OSBP2: variants seen among roughly 807,000 people sequenced by gnomAD.
OSBP2 encodes the protein oxysterol-binding protein 2.
In OSBP2, 66 loss-of-function variants were observed where a neutral mutation model predicts 96.0. The observed-to-expected ratio is 0.69, with a 90% CI of 0.56 to 0.84. OSBP2 has a LOEUF of 0.84. Ranked by LOEUF, OSBP2 falls within the 40% of genes least tolerant of loss-of-function variation. The probability of loss-of-function intolerance (pLI) is 0.00; values close to 1 mark genes in which losing one functional copy is unlikely to be tolerated. For missense variants in OSBP2, 1,038 were observed against 1,222.7 expected (o/e 0.85, Z 2.25); for synonymous variants, 525 against 520.9 (o/e 1.01, Z -0.11).
At chr22:30,735,449 T>A (rs2089837196) in intron 1 of OSBP2, among the ~76,000 whole-genome samples, 1 of 133,826 alleles carries the variant, frequency 7.5e-6, no homozygotes, top group South Asian at 2.6e-4. Flanking sequence ...GGGTCTTAAC[T>A]CTGTCACCCA....
chr22:30,731,662 A>G (rs1006925491), intron 1 of OSBP2: 3 of 154,602 alleles, frequency 1.9e-5, no homozygotes, highest in Non-Finnish European at 4.4e-5. Context: ...CAGCTCTCCT[A>G]CTTCAATGTG....
At chr22:30,719,878 GAAC>G (rs930638622) in intron 1 of OSBP2, among the ~76,000 whole-genome samples, 5 of 151,946 alleles carry the variant, frequency 3.3e-5, no homozygotes, top group East Asian at 3.9e-4. Flanking sequence ...AACAACAAGG[GAAC>G]AACAACAACA....
At chr22:30,780,590 C>A (rs954247898) in intron 2 of OSBP2, among the ~76,000 whole-genome samples, 1 of 152,192 alleles carries the variant, frequency 6.6e-6, no homozygotes, top group Non-Finnish European at 1.5e-5. Flanking sequence ...CTCCACCTCC[C>A]GGGTTCAAGC....
At chr22:30,842,844 A>G (rs1328594093) in intron 2 of OSBP2, 2 of 152,504 alleles carry the variant, frequency 1.3e-5, no homozygotes, top group Admixed American at 6.6e-5. Flanking sequence ...CAGTGACGCA[A>G]TCTCGGCTCA....
chr22:30,713,341 G>T (rs966096198), intron 1 of OSBP2, among the ~76,000 whole-genome samples: 88 of 152,186 alleles, frequency 5.8e-4, no homozygotes, highest in African/African-American at 2.0e-3. Flanking sequence ...CTCCCAAAGT[G>T]CTGGGATTAC....
At chr22:30,776,187 G>T (rs141162533) in intron 2 of OSBP2, among the ~76,000 whole-genome samples, 3 of 150,802 alleles carry the variant, frequency 2.0e-5, no homozygotes, top group African/African-American at 7.3e-5. Flanking sequence ...GTGCAGTGAT[G>T]TGTTCTCAGC....
At chr22:30,822,421 G>A in intron 2 of OSBP2, 4 of 975,542 alleles carry the variant, frequency 4.1e-6, no homozygotes, top group Non-Finnish European at 5.4e-6. Flanking sequence ...GCTCAGGCTG[G>A]GCTCGGCTCC....
chr22:30,826,032 A>G (rs2038397361), intron 2 of OSBP2, among the ~76,000 whole-genome samples: 1 of 152,118 alleles, frequency 6.6e-6, no homozygotes, highest in Non-Finnish European at 1.5e-5. Flanking sequence ...GCAACGGTGC[A>G]TCGGCCTCTG....
intron 1 of OSBP2, among the ~76,000 whole-genome samples, chr22:30,698,209 A>G (rs1044989290): frequency 6.6e-6 from 1 of 152,086 alleles, no homozygotes; most frequent in African/African-American, 2.4e-5. Flanking sequence ...CCAGACACCC[A>G]GCTCTCAGCA....
chr22:30,727,578 C>T (rs1248286243), intron 1 of OSBP2, among the ~76,000 whole-genome samples: 1 of 152,100 alleles, frequency 6.6e-6, no homozygotes, highest in African/African-American at 2.4e-5. Flanking sequence ...GACACTGATA[C>T]CTGGACACTG....
intron 1 of OSBP2, among the ~76,000 whole-genome samples, chr22:30,701,111 A>G (rs1210413760): frequency 2.6e-5 from 4 of 151,218 alleles, no homozygotes; most frequent in Non-Finnish European, 5.9e-5. Context: ...AAAAAAAAAA[A>G]GTCCTTTGGC....
chr22:30,836,378 C>T (rs543066457), intron 2 of OSBP2, among the ~76,000 whole-genome samples: 8 of 152,212 alleles, frequency 5.3e-5, no homozygotes, highest in South Asian at 4.1e-4. Flanking sequence ...TTGGGCAGGC[C>T]GACTTGCAGG....
intron 2 of OSBP2, among the ~76,000 whole-genome samples, chr22:30,806,505 G>A (rs1057290059): frequency 2.0e-5 from 3 of 152,178 alleles, no homozygotes; most frequent in Non-Finnish European, 2.9e-5. Flanking sequence ...GCAGTAAACA[G>A]GGCTAGAAGG....
At chr22:30,762,781 C>G (rs760864572) in intron 2 of OSBP2, among the ~76,000 whole-genome samples, 3 of 152,212 alleles carry the variant, frequency 2.0e-5, no homozygotes, top group Non-Finnish European at 2.9e-5. Context: ...CTGAGCCAGC[C>G]TCCTGCCTGG....
chr22:30,859,710 G>A (rs1227265923), intron 2 of OSBP2, among the ~76,000 whole-genome samples: 1 of 152,254 alleles, frequency 6.6e-6, no homozygotes, highest in Non-Finnish European at 1.5e-5. Context: ...GAACCAAATC[G>A]TAGAGACTGG....
intron 2 of OSBP2, among the ~76,000 whole-genome samples, chr22:30,802,087 G>A (rs925036866): frequency 1.3e-5 from 2 of 152,232 alleles, no homozygotes; most frequent in African/African-American, 4.8e-5. Context: ...AGGCCATGAA[G>A]TAGGCAGAGC....
chr22:30,906,699 C>T lies in OSBP2; in HGVS notation c.*360C>T, dbSNP rs942716098. ...GAGGAACTGGCCCCTCCTAGGGAGC[C>T]TCTTCGACTTTTTTAGAAAAATGAT... On this transcript the variant is annotated 3_prime_UTR_variant, in exon 14 of 14. Coordinates refer to ENST00000332585, the MANE Select transcript of OSBP2 (RefSeq NM_030758.4). The T allele has an allele frequency of 9.6e-6, 2 of 209,298 alleles. No individual in the cohort carries two copies. Among genetic ancestry groups the T allele is most frequent in the African/African-American group, 2.3e-5 (1 of 43,616 alleles). 13.0% of individuals were successfully genotyped at this position (209,298 alleles called of 1,614,324 possible).
At chr22:30,905,364 G>A (rs1041257102) in intron 12 of OSBP2, among the ~76,000 whole-genome samples, 2 of 151,580 alleles carry the variant, frequency 1.3e-5, no homozygotes, top group Admixed American at 6.6e-5. Flanking sequence ...GGCTGGTCTC[G>A]AACTCCTGAC....
chr22:30,832,079 T>A (rs2038534227), intron 2 of OSBP2, among the ~76,000 whole-genome samples: 1 of 152,120 alleles, frequency 6.6e-6, no homozygotes, highest in Admixed American at 6.5e-5. Context: ...CTCACTGTCC[T>A]GGGACATTCT....
Sources: gnomAD v4.1 joint callset for allele counts (sites outside exome capture counted in the v4.1 genomes callset) on GRCh38, gnomAD v4.1.1 for gene constraint, MANE v1.5 for transcripts, NCBI Gene and HGNC (gene_info 2026-07-23, HGNC 2026-07-21) for gene names.